The following RBFOX1 variants were observed in gnomAD, a reference collection of about 807,000 sequenced individuals.
RBFOX1 encodes RNA binding protein fox-1 homolog 1.
RBFOX1 carries 8 observed loss-of-function variants against 57.7 expected under a neutral mutation model. That is an observed-to-expected ratio of 0.14 (90% CI 0.08 to 0.25). RBFOX1 has a LOEUF of 0.25. RBFOX1 is among the 10% of genes least tolerant of loss of function. RBFOX1 has a pLI of 1.00. For missense variants in RBFOX1, 611 were observed against 548.5 expected (o/e 1.11, Z -1.14); for synonymous variants, 326 against 222.4 (o/e 1.47, Z -4.15).
rs190366591 is a variant in RBFOX1, at chr16:6,577,538, G to C, written c.-63-77065G>C. On this transcript the variant is annotated intron_variant, in intron 2 of 15. Transcript: ENST00000550418. ...AATCTCAGTGATATAACACAACAAAGGTTTATTTCTTGCTGATGAAGATTC... is the reference window on the plus strand; with the variant it reads ...AATCTCAGTGATATAACACAACAAACGTTTATTTCTTGCTGATGAAGATTC... 6.6e-5 allele frequency among the ~76,000 whole-genome samples: 10 copies of C among 152,274 alleles called. No homozygotes were observed. The South Asian group carries it at 1.9e-3, about 28-fold the overall frequency.
Position 6,991,136 on chromosome 16 carries a change from CAAAAAAAAAAAAAA to C in RBFOX1, c.-15-60908_-15-60895del, listed in dbSNP as rs35889519. 8.7e-4 allele frequency among the ~76,000 whole-genome samples: 46 copies of C among 53,072 alleles called. 1 individual carries two copies. In the South Asian group the frequency reaches 0.02, roughly 23 times the overall value. 34.8% of individuals were successfully genotyped at this position (53,072 alleles called of 152,430 possible). On this transcript the variant is annotated intron_variant, in intron 3 of 15. Transcript: ENST00000550418. ...AGGCAACGTAATAAAATTGTCTCTC[CAAAAAAAAAAAAAA>C]AAAAAAAAAAAAGACACGGTGGCGT...
chr16:7,212,692 C>T (rs7200795), intron 4 of RBFOX1, among the ~76,000 whole-genome samples: 7 of 151,900 alleles, frequency 4.6e-5, no homozygotes, highest in African/African-American at 1.5e-4. Flanking sequence ...GAATAACTTA[C>T]GCTACATGAG....
intron 4 of RBFOX1, among the ~76,000 whole-genome samples, chr16:7,505,641 C>T (rs746931614): frequency 6.6e-6 from 1 of 152,160 alleles, no homozygotes; most frequent in Non-Finnish European, 1.5e-5. Context: ...CAGGATGGAA[C>T]ATTTTGCAAA....
At chr16:6,552,883 A>C (rs1478853559) in intron 2 of RBFOX1, among the ~76,000 whole-genome samples, 1 of 152,124 alleles carries the variant, frequency 6.6e-6, no homozygotes, top group Non-Finnish European at 1.5e-5. Context: ...TGTGTTATAC[A>C]TAATATAACA....
chr16:5,534,341 A>G (rs1045706831), intron 2 of RBFOX1, among the ~76,000 whole-genome samples: 1 of 152,204 alleles, frequency 6.6e-6, no homozygotes. Context: ...ACGATCAGAA[A>G]GTGAAGTCCC....
chr16:6,824,982 G>GGTTTTTTTTTTTTTTTTTTTTTT (rs2091913616), intron 3 of RBFOX1, among the ~76,000 whole-genome samples: 1 of 38,382 alleles, frequency 2.6e-5, no homozygotes, highest in Non-Finnish European at 6.5e-5. Flanking sequence ...TTTCTTTCTT[G>GGTTTTTTTTTTTTTTTTTTTTTT]GTTTTTTTTT....
chr16:6,514,377 G>C (rs2096326234), intron 2 of RBFOX1, among the ~76,000 whole-genome samples: 1 of 152,168 alleles, frequency 6.6e-6, no homozygotes, highest in African/African-American at 2.4e-5. Context: ...GGTAGAAGGA[G>C]ATTCAGTCGA....
intron 11 of RBFOX1, among the ~76,000 whole-genome samples, chr16:7,650,878 T>C (rs1406813196): frequency 3.9e-5 from 6 of 152,176 alleles, no homozygotes; most frequent in Non-Finnish European, 7.3e-5. Context: ...TCCCCAGTCC[T>C]GAAGCAAGCG....
chr16:7,536,841 C>G (rs745686511), intron 5 of RBFOX1, among the ~76,000 whole-genome samples: 1 of 152,210 alleles, frequency 6.6e-6, no homozygotes, highest in Non-Finnish European at 1.5e-5. Flanking sequence ...CAGATGAGGG[C>G]TTTTCTGTCT....
intron 4 of RBFOX1, among the ~76,000 whole-genome samples, chr16:7,268,036 A>T (rs1191936482): frequency 6.6e-6 from 1 of 152,182 alleles, no homozygotes; most frequent in Non-Finnish European, 1.5e-5. Flanking sequence ...CCTACGACAC[A>T]TCTAGGCTAG....
At chr16:6,539,155 G>C (rs2096776829) in intron 2 of RBFOX1, among the ~76,000 whole-genome samples, 1 of 151,844 alleles carries the variant, frequency 6.6e-6, no homozygotes, top group Non-Finnish European at 1.5e-5. Context: ...CCCATGGTAT[G>C]ACTGTTCTTC....
chr16:6,965,947 C>G (rs1426626016), intron 3 of RBFOX1, among the ~76,000 whole-genome samples: 1 of 152,002 alleles, frequency 6.6e-6, no homozygotes, highest in Non-Finnish European at 1.5e-5. Flanking sequence ...GGATCCAGTG[C>G]CAGGTTTTTA....
chr16:6,712,163 T>A (rs1281088249), intron 3 of RBFOX1, among the ~76,000 whole-genome samples: 1 of 152,210 alleles, frequency 6.6e-6, no homozygotes, highest in Non-Finnish European at 1.5e-5. Flanking sequence ...AGGTGCTCAA[T>A]GAACAGTAGC....
intron 3 of RBFOX1, among the ~76,000 whole-genome samples, chr16:5,784,381 C>T (rs1041898557): frequency 1.6e-4 from 25 of 151,830 alleles, no homozygotes; most frequent in African/African-American, 4.6e-4. Flanking sequence ...GAGCCGAGAT[C>T]GCACCACTGC....
rs182618712 is a variant in RBFOX1, at chr16:6,920,660, C to T, written c.-15-131397C>T. On this transcript the variant is annotated intron_variant, in intron 3 of 15. Coordinates refer to ENST00000550418, the MANE Select transcript of RBFOX1 (RefSeq NM_018723.4). Reference sequence around the variant, plus strand: ...GCTTTGAGGGAGAATACATTTCATACCTCTTCCCTAGTTTCTTTTGGTTCC... The same window carrying T: ...GCTTTGAGGGAGAATACATTTCATATCTCTTCCCTAGTTTCTTTTGGTTCC... Among the ~76,000 whole-genome samples the T allele has an allele frequency of 3.3e-5, 5 of 152,292 alleles. No individual in the cohort carries two copies. In the East Asian group the frequency reaches 5.8e-4, roughly 18 times the overall value.
intron 3 of RBFOX1, among the ~76,000 whole-genome samples, chr16:6,967,174 C>G (rs906077152): frequency 1.1e-4 from 17 of 152,074 alleles, no homozygotes; most frequent in African/African-American, 4.1e-4. Flanking sequence ...TTTGTACATT[C>G]ACACATCCAT....
intron 2 of RBFOX1, among the ~76,000 whole-genome samples, chr16:5,513,167 T>C (rs922685271): frequency 2.6e-5 from 4 of 152,168 alleles, no homozygotes; most frequent in African/African-American, 9.7e-5. Context: ...TGGACTCAGC[T>C]TCCCAAAGTG....
intron 1 of RBFOX1, among the ~76,000 whole-genome samples, chr16:6,266,712 TAAA>T (rs112417452): frequency 7.4e-6 from 1 of 135,964 alleles, no homozygotes; most frequent in Non-Finnish European, 1.6e-5. Context: ...AGACTCTGTC[TAAA>T]AAAAAAAAAA....
intron 2 of RBFOX1, among the ~76,000 whole-genome samples, chr16:5,507,838 G>A (rs1364269383): frequency 2.6e-5 from 4 of 152,178 alleles, no homozygotes; most frequent in African/African-American, 7.2e-5. Flanking sequence ...CTGGGAAGAC[G>A]CAAGGAGGGT....
Sources: gnomAD v4.1 joint callset for allele counts (sites outside exome capture counted in the v4.1 genomes callset) on GRCh38, gnomAD v4.1.1 for gene constraint, MANE v1.5 for transcripts, NCBI Gene and HGNC (gene_info 2026-07-23, HGNC 2026-07-21) for gene names.